The following IL23R variants were observed in gnomAD, a reference collection of about 807,000 sequenced individuals.
IL23R encodes the protein interleukin-23 receptor.
In IL23R, 34 loss-of-function variants were observed where a neutral mutation model predicts 56.9. That is an observed-to-expected ratio of 0.60 (90% CI 0.45 to 0.80). The LOEUF (loss-of-function observed/expected upper bound fraction) is 0.80, where lower values mean the gene tolerates loss of function less well. IL23R is among the 30% of genes least tolerant of loss of function. The pLI is 0.00. For synonymous variants in IL23R, 230 were observed against 249.2 expected (o/e 0.92, Z 0.73); for missense variants, 635 against 730.0 (o/e 0.87, Z 1.50).
chr1:67,209,522 G>A (rs1032953995), intron 6 of IL23R, among the ~76,000 whole-genome samples: 4 of 152,126 alleles, frequency 2.6e-5, no homozygotes, highest in African/African-American at 9.7e-5. Context: ...AGGGGTTTCC[G>A]CTTTTGCTTT....
At position 67,222,854 on chromosome 1, in the gene IL23R, A is replaced by C. The variant is rs536052482; in HGVS notation, c.955+3124A>C. On this transcript the variant is annotated intron_variant, in intron 7 of 10. Coordinates refer to ENST00000347310, the MANE Select transcript of IL23R (RefSeq NM_144701.3). The stretch of plus-strand genomic sequence containing the variant: ...TAATCCCAGTGTGAAAATACTGTGC[A>C]TTTTCCCCACCATCCCTCAGCAATT... Among the ~76,000 whole-genome samples the C allele has an allele frequency of 2.0e-5, 3 of 152,276 alleles. No individual in the cohort carries two copies. The East Asian group carries it at 5.8e-4, about 29-fold the overall frequency.
chr1:67,201,569 A>C (rs1191807517), intron 5 of IL23R, among the ~76,000 whole-genome samples: 1 of 151,880 alleles, frequency 6.6e-6, no homozygotes, highest in Admixed American at 6.5e-5. Context: ...AAAAAAACAA[A>C]AAAACACTAT....
intron 5 of IL23R, among the ~76,000 whole-genome samples, chr1:67,203,929 C>T (rs1032045073): frequency 1.3e-5 from 2 of 152,248 alleles, no homozygotes; most frequent in Admixed American, 6.5e-5. Context: ...TTCTGCCTGC[C>T]ATTTTGAATA....
intron 3 of IL23R, among the ~76,000 whole-genome samples, chr1:67,182,453 T>C (rs1252168859): frequency 6.6e-6 from 1 of 152,152 alleles, no homozygotes; most frequent in Admixed American, 6.5e-5. Flanking sequence ...GGATATAAGC[T>C]CCTGGTGTGC....
At chr1:67,242,329 G>A (rs752118743) in intron 9 of IL23R, among the ~76,000 whole-genome samples, 1 of 152,108 alleles carries the variant, frequency 6.6e-6, no homozygotes, top group African/African-American at 2.4e-5. Flanking sequence ...CATTATCCAT[G>A]TATAAGGCTG....
chr1:67,168,629 A>G (rs1201730009), intron 2 of IL23R, among the ~76,000 whole-genome samples: 1 of 152,234 alleles, frequency 6.6e-6, no homozygotes, highest in East Asian at 1.9e-4. Flanking sequence ...AACTTTACTG[A>G]AAAAAGTAGG....
intron 3 of IL23R, among the ~76,000 whole-genome samples, 154 bp from the exon 4 acceptor site, chr1:67,182,682 G>A (rs575527657): frequency 6.6e-5 from 10 of 152,212 alleles, no homozygotes; most frequent in Non-Finnish European, 7.4e-5. Context: ...AGATGAACCC[G>A]GTACCTCAGT....
chr1:67,144,605 A>G (rs551843026), intron 1 of IL23R, among the ~76,000 whole-genome samples: 2 of 152,300 alleles, frequency 1.3e-5, no homozygotes, highest in Admixed American at 1.3e-4. Context: ...TTAAATACTG[A>G]TAAATTTTCA....
chr1:67,199,924 T>C lies in IL23R; in HGVS notation c.492-813T>C, dbSNP rs575679402. Among the ~76,000 whole-genome samples the C allele has an allele frequency of 1.6e-3, 239 of 152,342 alleles. 1 individual carries two copies. The highest frequency in any genetic ancestry group is 5.4e-3 in the African/African-American group (223 of 41,592). ...GCACAGTGGCTCATGCCTGTAATCC[T>C]AGCACTTTAGAAGGCTGAAATGCAC... is the stretch of plus-strand genomic sequence containing the variant. On this transcript the variant is annotated intron_variant, in intron 4 of 10. Coordinates refer to ENST00000347310, the MANE Select transcript of IL23R (RefSeq NM_144701.3).
At chr1:67,159,470 AAACCTGCAG>A (rs1236327731) in intron 1 of IL23R, among the ~76,000 whole-genome samples, 3 of 152,184 alleles carry the variant, frequency 2.0e-5, no homozygotes. Flanking sequence ...CTCTGCAATT[AAACCTGCAG>A]AACTGTGAGT....
In IL23R at chr1:67,207,069, T is replaced by C; in HGVS notation, c.798+14T>C. 6.2e-7 allele frequency: 1 copy of C among 1,612,980 alleles called. No individual in the cohort carries two copies. Among genetic ancestry groups the C allele is most frequent in the East Asian group, 2.2e-5 (1 of 44,842 alleles). On this transcript the variant is annotated intron_variant, in intron 6 of 10. Transcript: ENST00000347310. ...CAAACTTGGAATGTAAGCTCAACTTTCATTATGCTTTAGCATGTGAATGAA... is the reference window on the plus strand; with the variant it reads ...CAAACTTGGAATGTAAGCTCAACTTCCATTATGCTTTAGCATGTGAATGAA...
downstream of IL23R, among the ~76,000 whole-genome samples, chr1:67,260,757 C>T (rs571303655): frequency 3.3e-5 from 5 of 152,086 alleles, no homozygotes; most frequent in Non-Finnish European, 7.3e-5. Flanking sequence ...TAGAGTAGGG[C>T]ATGTAAATTC....
At chr1:67,157,910 A>G (rs1646782870) in intron 1 of IL23R, among the ~76,000 whole-genome samples, 1 of 152,214 alleles carries the variant, frequency 6.6e-6, no homozygotes, top group South Asian at 2.1e-4. Flanking sequence ...GGAACATATT[A>G]CACACTCAAG....
At chr1:67,198,152 C>A (rs1648312063) in intron 4 of IL23R, among the ~76,000 whole-genome samples, 1 of 152,148 alleles carries the variant, frequency 6.6e-6, no homozygotes, top group South Asian at 2.1e-4. Context: ...GGGCAGCAAG[C>A]CATTCATGAA....
At chr1:67,197,135 A>G (rs1044717005) in intron 4 of IL23R, among the ~76,000 whole-genome samples, 3 of 152,120 alleles carry the variant, frequency 2.0e-5, no homozygotes, top group African/African-American at 7.2e-5. Flanking sequence ...AAAGAAACCC[A>G]GGTGGAAGGC....
upstream of IL23R, among the ~76,000 whole-genome samples, chr1:67,162,562 G>A (rs890878535): frequency 6.6e-6 from 1 of 152,164 alleles, no homozygotes; most frequent in Admixed American, 6.5e-5. Context: ...TCCAAAATGG[G>A]CTCAAATATC....
intron 9 of IL23R, among the ~76,000 whole-genome samples, chr1:67,240,744 T>C (rs1651791133): frequency 6.6e-6 from 1 of 152,206 alleles, no homozygotes; most frequent in Non-Finnish European, 1.5e-5. Context: ...TAAAGGAGTT[T>C]AATTGAGCAA....
intron 6 of IL23R, among the ~76,000 whole-genome samples, chr1:67,216,372 T>G (rs1447196479): frequency 1.3e-5 from 2 of 152,206 alleles, no homozygotes; most frequent in African/African-American, 4.8e-5. Flanking sequence ...GGTGTCCAAC[T>G]TTAGTGACAG....
Position 67,168,168 on chromosome 1 carries a change from A to G in IL23R, c.48A>G (p.Ile16Met). The part of the protein sequence containing the change: ...IQWDAVIALY[I>M]LFSWCHGGIT... ...GGGATGCAGTAATAGCCCTTTACAT[A>G]CTCTTCAGCTGGTGTCATGGAGGTA... Residue 16 changes from isoleucine to methionine, a missense_variant, in exon 2 of 11, where the codon ATA (isoleucine) becomes ATG (methionine). Coordinates refer to ENST00000347310, the MANE Select transcript of IL23R (RefSeq NM_144701.3). 4 of 1,610,624 alleles carry G rather than the reference A, an allele frequency of 2.5e-6. No individual in the cohort carries two copies. Among genetic ancestry groups the G allele is most frequent in the Non-Finnish European group, 3.4e-6 (4 of 1,177,166 alleles).
Sources: gnomAD v4.1 joint callset for allele counts (sites outside exome capture counted in the v4.1 genomes callset) on GRCh38, gnomAD v4.1.1 for gene constraint, MANE v1.5 for transcripts, NCBI Gene and HGNC (gene_info 2026-07-23, HGNC 2026-07-21) for gene names.